Variants in ZFHX3 observed in about 807,000 individuals in gnomAD.
ZFHX3 encodes zinc finger homeobox 3.
A neutral mutation model predicts 279.1 loss-of-function variants in ZFHX3; 42 were observed. The observed-to-expected ratio is 0.15, with a 90% CI of 0.12 to 0.19. ZFHX3 has a LOEUF of 0.19. Ranked by LOEUF, ZFHX3 falls within the 10% of genes least tolerant of loss-of-function variation. The probability of loss-of-function intolerance (pLI) is 1.00; values close to 1 mark genes in which losing one functional copy is unlikely to be tolerated. For synonymous variants in ZFHX3, 2,293 were observed against 1,957.8 expected, an observed-to-expected ratio of 1.17 and a Z score of -4.52; for missense variants, 4,981 against 4,754.0, an observed-to-expected ratio of 1.05 and a Z score of -1.40.
At chr16:73,451,193 G>T (rs989304773) in intron 3 of ZFHX3, among the ~76,000 whole-genome samples, 1 of 152,188 alleles carries the variant, frequency 6.6e-6, no homozygotes, top group Non-Finnish European at 1.5e-5. Flanking sequence ...CACCTGATCT[G>T]AACTGGGGTG....
At chr16:73,277,914 G>A (rs1440923702) in intron 4 of ZFHX3, among the ~76,000 whole-genome samples, 1 of 152,018 alleles carries the variant, frequency 6.6e-6, no homozygotes, top group African/African-American at 2.4e-5. Context: ...GAGAGGCAGG[G>A]GAGATGCTAC....
chr16:73,822,299 A>G (rs923849872), intron 1 of ZFHX3, among the ~76,000 whole-genome samples: 1 of 152,298 alleles, frequency 6.6e-6, no homozygotes, highest in African/African-American at 2.4e-5. Flanking sequence ...TTTCTTCTCT[A>G]GATGCCCAGG....
intron 1 of ZFHX3, among the ~76,000 whole-genome samples, chr16:73,720,920 A>C (rs887264913): frequency 3.3e-5 from 5 of 152,224 alleles, no homozygotes; most frequent in African/African-American, 1.2e-4. Flanking sequence ...TAACTTTTTC[A>C]TCAGAAAAAT....
At chr16:73,080,302 C>T (rs1010928504) in intron 8 of ZFHX3, among the ~76,000 whole-genome samples, 1 of 152,046 alleles carries the variant, frequency 6.6e-6, no homozygotes, top group African/African-American at 2.4e-5. Flanking sequence ...TCAGAATGAC[C>T]CAGAGAGCTT....
At chr16:72,934,320 T>C (rs1597391236) in intron 3 of ZFHX3, among the ~76,000 whole-genome samples, 1 of 152,014 alleles carries the variant, frequency 6.6e-6, no homozygotes, top group African/African-American at 2.4e-5. Context: ...CCCAGCTACT[T>C]GGGAGGCTGA....
intron 5 of ZFHX3, among the ~76,000 whole-genome samples, chr16:73,172,328 C>G (rs982344068): frequency 6.6e-6 from 1 of 152,218 alleles, no homozygotes; most frequent in Non-Finnish European, 1.5e-5. Context: ...GCCCGCCAGG[C>G]GCTTCGTGTT....
In ZFHX3 at chr16:73,128,866, AG is replaced by A. The variant is rs536205466; in HGVS notation, c.-897+2101del. Among the ~76,000 whole-genome samples, 1,036 of 152,234 alleles carry A rather than the reference AG, an allele frequency of 6.8e-3. 7 individuals are homozygous for A. Among genetic ancestry groups the A allele is most frequent in the Non-Finnish European group, 9.0e-3 (615 of 68,022 alleles). On this transcript the variant is annotated intron_variant, in intron 7 of 17. Coordinates refer to the ZFHX3 transcript ENST00000641206. ...ACCATCAGAGAATACCTTTTGGAAG[AG>A]TTTCTCATCTATATAACGGGGATGG...
At chr16:73,421,573 T>C (rs1429635879) in intron 3 of ZFHX3, among the ~76,000 whole-genome samples, 2 of 152,184 alleles carry the variant, frequency 1.3e-5, no homozygotes, top group Non-Finnish European at 2.9e-5. Flanking sequence ...ATGTACAAAA[T>C]GTACAACATT....
chr16:73,317,804 C>T (rs1036092536), intron 4 of ZFHX3, among the ~76,000 whole-genome samples: 13 of 152,130 alleles, frequency 8.5e-5, no homozygotes, highest in Non-Finnish European at 4.4e-5. Context: ...GATAATAAAG[C>T]CAGGTTCACG....
At chr16:73,153,406 C>T (rs778215415) in intron 5 of ZFHX3, among the ~76,000 whole-genome samples, 6 of 151,786 alleles carry the variant, frequency 4.0e-5, no homozygotes, top group Non-Finnish European at 5.9e-5. Context: ...ATTACAGCCA[C>T]ACCTAGCCTT....
chr16:73,370,662 T>G (rs2016612316), intron 3 of ZFHX3, among the ~76,000 whole-genome samples: 1 of 152,194 alleles, frequency 6.6e-6, no homozygotes, highest in African/African-American at 2.4e-5. Flanking sequence ...TACCAGGTTA[T>G]GATGGTCAAC....
At position 73,023,286 on chromosome 16, in the gene ZFHX3, C is replaced by T. The variant is rs4307971; in HGVS notation, c.-50+24466G>A. On this transcript the variant is annotated intron_variant, in intron 1 of 9. Coordinates refer to ENST00000268489, the MANE Select transcript of ZFHX3 (RefSeq NM_006885.4). ...TTGCTGAACAAAACACATCTACAGG[C>T]TAGGTTTTGCCTACAAGCTAAGACT... is the stretch of plus-strand genomic sequence containing the variant. Among the ~76,000 whole-genome samples, 5 of 152,282 alleles carry T rather than the reference C, an allele frequency of 3.3e-5. No homozygotes were observed. The South Asian group carries it at 1.0e-3, about 32-fold the overall frequency.
Position 72,797,753 on chromosome 16 carries a change from G to A in ZFHX3, c.4929C>T (p.Ser1643=), listed in dbSNP as rs2229290. 0.022 allele frequency: 35,389 copies of A among 1,614,070 alleles called. 4,983 individuals are homozygous for A. The Admixed American group carries it at 0.29, about 13-fold the overall frequency. ...GCGTGGAGGAGCTCAAGGAAATACT[G>A]CTGCTGTTCCCAGTCCCATTGCTGC... ...SGSSNGTGNS[S]SISLSSSTPS... Residue 1643 remains serine (S), a synonymous_variant, in exon 9 of 10, where the codon AGC becomes AGT. Transcript: ENST00000268489.
chr16:73,690,837 G>C (rs143395265), intron 1 of ZFHX3, among the ~76,000 whole-genome samples: 1 of 152,142 alleles, frequency 6.6e-6, no homozygotes. Context: ...CCATCTGCTC[G>C]CACTCCACCC....
intron 2 of ZFHX3, among the ~76,000 whole-genome samples, chr16:73,467,400 C>T (rs528828483): frequency 6.6e-6 from 1 of 152,326 alleles, no homozygotes; most frequent in South Asian, 2.1e-4. Context: ...ACAGCTCCTG[C>T]TCTCCTTACT....
intron 4 of ZFHX3, among the ~76,000 whole-genome samples, chr16:73,288,602 G>C (rs545070754): frequency 6.6e-6 from 1 of 152,264 alleles, no homozygotes; most frequent in East Asian, 1.9e-4. Context: ...AGCGGAGATG[G>C]ATTTCTTTAA....
intron 3 of ZFHX3, among the ~76,000 whole-genome samples, chr16:73,409,518 G>A (rs1474991082): frequency 1.3e-5 from 2 of 152,196 alleles, no homozygotes; most frequent in Admixed American, 6.5e-5. Flanking sequence ...ACCACTGGTG[G>A]GAATGTAAAT....
intron 1 of ZFHX3, among the ~76,000 whole-genome samples, chr16:73,701,030 C>T (rs532809155): frequency 2.6e-5 from 4 of 152,120 alleles, no homozygotes; most frequent in East Asian, 1.9e-4. Flanking sequence ...AACAGAATAA[C>T]GAGTTTTATT....
intron 1 of ZFHX3, among the ~76,000 whole-genome samples, chr16:73,003,817 C>T (rs983476130): frequency 6.6e-6 from 1 of 151,554 alleles, no homozygotes; most frequent in Admixed American, 6.6e-5. Context: ...GTGAGGGGGT[C>T]AGGAATTCAC....
Sources: gnomAD v4.1 joint callset for allele counts (sites outside exome capture counted in the v4.1 genomes callset) on GRCh38, gnomAD v4.1.1 for gene constraint, MANE v1.5 for transcripts, NCBI Gene and HGNC (gene_info 2026-07-23, HGNC 2026-07-21) for gene names.